Variants in ALDH16A1 observed in about 807,000 individuals in gnomAD.
ALDH16A1 encodes aldehyde dehydrogenase family 16 member A1.
ALDH16A1 carries 88 observed loss-of-function variants against 96.1 expected under a neutral mutation model. The observed-to-expected ratio is 0.92, with a 90% CI of 0.77 to 1.09. The LOEUF (loss-of-function observed/expected upper bound fraction) is 1.09. ALDH16A1 is among the 50% of genes least tolerant of loss of function. The pLI, the probability that ALDH16A1 is intolerant of heterozygous loss-of-function variation, is 0.00. For synonymous variants in ALDH16A1, 522 were observed against 496.4 expected (o/e 1.05, Z -0.69); for missense variants, 1,250 against 1,112.6 (o/e 1.12, Z -1.76).
rs2079218301 is a variant in ALDH16A1, at chr19:49,468,495, C to G, written c.2053C>G (p.Leu685Val). Residue 685 changes from leucine (L) to valine (V), a missense_variant, in exon 15 of 17, where the codon CTG becomes GTG. Coordinates refer to ENST00000293350, the MANE Select transcript of ALDH16A1 (RefSeq NM_153329.4). This position sits in a 1 kb window ranked among gnomAD's most constrained non-coding sequence, Gnocchi z 4.4. ...CTTCGTGTCCCTGCTGGCTCCCGCC[C>G]TGGCCTACGGCAACACTGTGGTCAT... is the stretch of plus-strand genomic sequence containing the variant. ...LAFVSLLAPA[L>V]AYGNTVVMVP... The G allele has an allele frequency of 4.4e-6, 7 of 1,603,592 alleles. No homozygotes were observed. Among genetic ancestry groups the G allele is most frequent in the Non-Finnish European group, 5.9e-6 (7 of 1,179,934 alleles).
At chr19:49,469,801 G>C (rs545667978) in intron 16 of ALDH16A1, 1 of 152,108 alleles carries the variant, frequency 6.6e-6, no homozygotes, top group East Asian at 1.9e-4. Context: ...GGCTGGTCTC[G>C]AACTCCTGAC....
intron 8 of ALDH16A1, among the ~76,000 whole-genome samples, chr19:49,463,028 C>T (rs1481063494): frequency 1.1e-4 from 11 of 95,736 alleles, no homozygotes; most frequent in Admixed American, 2.1e-4. Context: ...TGGGCCTGGA[C>T]TCCTGGGTCT....
At chr19:49,460,735 T>G in intron 4 of ALDH16A1, 87 bp from the exon 5 acceptor site, 2 of 898,108 alleles carry the variant, frequency 2.2e-6, no homozygotes, top group Admixed American at 4.4e-5. Flanking sequence ...TTTTTCCTAA[T>G]GTAGCCATGG....
At chr19:49,454,459 A>G (rs2079093165) in intron 1 of ALDH16A1, among the ~76,000 whole-genome samples, 1 of 151,986 alleles carries the variant, frequency 6.6e-6, no homozygotes, top group Non-Finnish European at 1.5e-5. Context: ...TGAGGGTCCC[A>G]TGATCCCCTG....
rs758007252 is a variant in ALDH16A1, at chr19:49,467,853, AT to A, written c.1939-523del. Among the ~76,000 whole-genome samples the A allele has an allele frequency of 2.4e-4, 36 of 150,954 alleles. No homozygotes were observed. In the East Asian group the frequency reaches 4.3e-3, roughly 18 times the overall value. ...CCTCCCACCCCCCAACACCATATTT[AT>A]TTTTAACAAAAGAAAATAGACCAGG... is the stretch of plus-strand genomic sequence containing the variant. On this transcript the variant is annotated intron_variant, in intron 14 of 16. Transcript: ENST00000293350.
intron 4 of ALDH16A1, 109 bp from the exon 5 acceptor site, chr19:49,460,713 C>A: frequency 1.3e-6 from 1 of 752,244 alleles, no homozygotes; most frequent in Non-Finnish European, 2.1e-6. Context: ...CACACCCGGC[C>A]ATTTTTTTTT....
At chr19:49,460,677 G>C (rs931645692) in intron 4 of ALDH16A1, 145 bp from the exon 5 acceptor site, 9 of 677,478 alleles carry the variant, frequency 1.3e-5, no homozygotes, top group Non-Finnish European at 2.0e-5. Context: ...ACCTCCCAAA[G>C]TGCTGAGATT....
chr19:49,458,440 C>G (rs1264749685), intron 1 of ALDH16A1, 46 bp from the exon 2 acceptor site: 1 of 1,491,950 alleles, frequency 6.7e-7, no homozygotes, highest in African/African-American at 1.4e-5. Context: ...TTGAACTGCC[C>G]CAGCTCCTCC....
rs1265674326 is a variant in ALDH16A1 at position 49,468,740 on chromosome 19, C to G, written c.2125-124C>G. The G allele has an allele frequency of 1.7e-5, 23 of 1,392,886 alleles. No individual in the cohort carries two copies. Among genetic ancestry groups the G allele is most frequent in the Non-Finnish European group, 2.1e-5 (21 of 1,020,266 alleles). 86.3% of individuals were successfully genotyped at this position (1,392,886 alleles called of 1,614,324 possible). A position where few individuals can be genotyped will look rare whatever the true frequency, so the allele number is the denominator to read the frequency against. On this transcript the variant is annotated intron_variant, in intron 15 of 16. Coordinates refer to ENST00000293350, the MANE Select transcript of ALDH16A1 (RefSeq NM_153329.4). This position sits in a 1 kb window ranked among gnomAD's most constrained non-coding sequence, Gnocchi z 4.4. ...GGGGACCCAGTGCCCATTCTTCACC[C>G]TAGGCCTGGGGCTTTCTCCTCCATG...
chr19:49,466,954 T>C (rs1291010149), intron 14 of ALDH16A1, among the ~76,000 whole-genome samples: 1 of 148,484 alleles, frequency 6.7e-6, no homozygotes, highest in African/African-American at 2.5e-5. Flanking sequence ...GGTGGATCGC[T>C]TGAGGCCAGG....
At chr19:49,455,416 CAAAA>C (rs10530269) in intron 1 of ALDH16A1, among the ~76,000 whole-genome samples, 1 of 136,564 alleles carries the variant, frequency 7.3e-6, no homozygotes, top group African/African-American at 2.8e-5. Flanking sequence ...AACTCCATCT[CAAAA>C]AAAAAAAAAA....
At chr19:49,455,094 G>C (rs1301359180) in intron 1 of ALDH16A1, among the ~76,000 whole-genome samples, 2 of 151,664 alleles carry the variant, frequency 1.3e-5, no homozygotes, top group Non-Finnish European at 2.9e-5. Context: ...CTCCAGCCTG[G>C]GCAACGGAGC....
At chr19:49,467,556 G>A (rs1341008743) in intron 14 of ALDH16A1, among the ~76,000 whole-genome samples, 24 of 151,096 alleles carry the variant, frequency 1.6e-4, no homozygotes, top group African/African-American at 4.1e-4. Context: ...CACCACACCC[G>A]GCTAATTTTT....
chr19:49,467,955 C>G (rs190940347), intron 14 of ALDH16A1, among the ~76,000 whole-genome samples: 168 of 151,178 alleles, frequency 1.1e-3, no homozygotes, highest in African/African-American at 3.5e-3. Flanking sequence ...GAGATCGAGA[C>G]CATCCTGGCT....
chr19:49,464,793 T>C (rs760420970), intron 12 of ALDH16A1, 31 bp downstream of exon 12: 5 of 1,612,452 alleles, frequency 3.1e-6, no homozygotes, highest in Non-Finnish European at 4.2e-6. Flanking sequence ...GGTCTGGGAG[T>C]GTGAACGGGG....
At chr19:49,456,685 C>T (rs745413298) in intron 1 of ALDH16A1, among the ~76,000 whole-genome samples, 1 of 152,168 alleles carries the variant, frequency 6.6e-6, no homozygotes, top group South Asian at 2.1e-4. Flanking sequence ...CTACCATGCC[C>T]GGCCAACAAT....
chr19:49,470,189 T>G, intron 16 of ALDH16A1, 117 bp from the exon 17 acceptor site: 1 of 1,274,392 alleles, frequency 7.8e-7, no homozygotes, highest in Non-Finnish European at 1.1e-6. Flanking sequence ...GCATTGTAGC[T>G]GCAGAGCCTG....
chr19:49,458,443 G>T (rs573885287), intron 1 of ALDH16A1, 43 bp from the exon 2 acceptor site: 1 of 1,503,748 alleles, frequency 6.7e-7, no homozygotes, highest in African/African-American at 1.4e-5. Flanking sequence ...AACTGCCCCA[G>T]CTCCTCCCGA....
intron 10 of ALDH16A1, 27 bp from the exon 11 acceptor site, chr19:49,464,389 CT>C (rs1393740193): frequency 6.3e-7 from 1 of 1,578,826 alleles, no homozygotes; most frequent in Admixed American, 1.9e-5. Flanking sequence ...CTGTTTTCCT[CT>C]GTTGGACACC....
Sources: gnomAD v4.1 joint callset for allele counts (sites outside exome capture counted in the v4.1 genomes callset) on GRCh38, gnomAD v4.1.1 for gene constraint, Gnocchi (gnomAD v3.1) non-coding constraint, MANE v1.5 for transcripts, NCBI Gene and HGNC (gene_info 2026-07-23, HGNC 2026-07-21) for gene names.